Variants in SMURF1 observed in about 807,000 individuals in gnomAD.
The protein encoded by SMURF1 is E3 ubiquitin-protein ligase SMURF1.
In SMURF1, 44 loss-of-function variants were observed where a neutral mutation model predicts 98.0. That is an observed-to-expected ratio of 0.45 (90% CI 0.35 to 0.58). The LOEUF (loss-of-function observed/expected upper bound fraction) is 0.58, where lower values mean the gene tolerates loss of function less well. Ranked by LOEUF, SMURF1 falls within the 20% of genes least tolerant of loss-of-function variation. SMURF1 has a pLI of 0.00. For missense variants in SMURF1, 687 were observed against 938.4 expected, an observed-to-expected ratio of 0.73 and a Z score of 3.50; for synonymous variants, 396 against 374.9, an observed-to-expected ratio of 1.06 and a Z score of -0.65.
At chr7:99,041,508 T>C (rs527256996) in intron 12 of SMURF1, among the ~76,000 whole-genome samples, 1 of 152,336 alleles carries the variant, frequency 6.6e-6, no homozygotes, top group East Asian at 1.9e-4. Context: ...AAAAAATGAA[T>C]CAAAACTCTG....
chr7:99,056,194 C>T (rs141919768), intron 5 of SMURF1, among the ~76,000 whole-genome samples: 4 of 152,088 alleles, frequency 2.6e-5, no homozygotes, highest in African/African-American at 9.7e-5. Flanking sequence ...TGTATGTCTG[C>T]ACTATTCATT....
intron 3 of SMURF1, among the ~76,000 whole-genome samples, chr7:99,059,407 TAAAA>T (rs1465513294): frequency 8.1e-5 from 2 of 24,622 alleles, no homozygotes; most frequent in Non-Finnish European, 1.5e-4. Context: ...CAAAAAAAAA[TAAAA>T]TAAAATAAAA....
intron 14 of SMURF1, among the ~76,000 whole-genome samples, 157 bp from the exon 15 acceptor site, chr7:99,037,344 T>C (rs955949438): frequency 6.6e-6 from 1 of 152,064 alleles, no homozygotes; most frequent in African/African-American, 2.4e-5. Flanking sequence ...TTCAAGCAAT[T>C]CTTCTGCCTC....
At chr7:99,086,568 C>G (rs1406438193) in intron 1 of SMURF1, among the ~76,000 whole-genome samples, 1 of 152,054 alleles carries the variant, frequency 6.6e-6, no homozygotes, top group Admixed American at 6.6e-5. Context: ...ATGTAAAATA[C>G]CAAAGAAAAG....
intron 1 of SMURF1, among the ~76,000 whole-genome samples, chr7:99,133,839 A>G (rs1455648704): frequency 6.6e-6 from 1 of 152,252 alleles, no homozygotes; most frequent in East Asian, 1.9e-4. Context: ...ACTGACGTAC[A>G]ACCACACATA....
intron 1 of SMURF1, among the ~76,000 whole-genome samples, chr7:99,127,609 G>A (rs1462544394): frequency 1.3e-5 from 2 of 152,156 alleles, no homozygotes; most frequent in Non-Finnish European, 2.9e-5. Flanking sequence ...GAGGGGAAAG[G>A]AGGCATATTT....
At chr7:99,060,519 T>C (rs911481673) in intron 3 of SMURF1, 80 bp downstream of exon 3, 8 of 862,736 alleles carry the variant, frequency 9.3e-6, no homozygotes, top group African/African-American at 5.2e-5. Flanking sequence ...TTTTTTTTTT[T>C]TCTCTTGGAT....
intron 1 of SMURF1, among the ~76,000 whole-genome samples, chr7:99,071,123 G>T (rs893017809): frequency 6.7e-6 from 1 of 150,374 alleles, no homozygotes; most frequent in Non-Finnish European, 1.5e-5. Flanking sequence ...GCAGTGGCAC[G>T]ATCTCAGCTC....
intron 1 of SMURF1, among the ~76,000 whole-genome samples, chr7:99,068,785 G>A (rs1040297794): frequency 6.6e-6 from 1 of 152,062 alleles, no homozygotes; most frequent in Non-Finnish European, 1.5e-5. Context: ...GGTATAGCTT[G>A]GATTAGCCCC....
intron 1 of SMURF1, among the ~76,000 whole-genome samples, chr7:99,142,178 C>T (rs987515354): frequency 5.3e-5 from 8 of 152,158 alleles, no homozygotes; most frequent in Admixed American, 3.9e-4. Flanking sequence ...GTTGCGCTCA[C>T]CCTTGAAGGT....
At chr7:99,091,531 G>A (rs1478989899) in intron 1 of SMURF1, among the ~76,000 whole-genome samples, 2 of 152,180 alleles carry the variant, frequency 1.3e-5, no homozygotes, top group African/African-American at 4.8e-5. Flanking sequence ...AAAAGGGAAG[G>A]TGTGGACAGC....
At chr7:99,038,551 A>C (rs1795245085) in intron 13 of SMURF1, 26 bp from the exon 14 acceptor site, 1 of 1,604,810 alleles carries the variant, frequency 6.2e-7, no homozygotes, top group Non-Finnish European at 8.5e-7. Flanking sequence ...AGAAGGATGT[A>C]GGTTAGAACT....
chr7:99,075,286 A>G (rs899782689), intron 1 of SMURF1, among the ~76,000 whole-genome samples: 2 of 152,020 alleles, frequency 1.3e-5, no homozygotes, highest in Non-Finnish European at 2.9e-5. Flanking sequence ...AGCCTGGCTC[A>G]TTTTGTTTAA....
intron 5 of SMURF1, among the ~76,000 whole-genome samples, chr7:99,055,927 C>T (rs1403959052): frequency 6.6e-6 from 1 of 152,106 alleles, no homozygotes; most frequent in Non-Finnish European, 1.5e-5. Context: ...GATCATGCCA[C>T]TGCACTCCAG....
chr7:99,052,932 C>T (rs961183212), intron 6 of SMURF1, among the ~76,000 whole-genome samples: 1 of 152,134 alleles, frequency 6.6e-6, no homozygotes, highest in African/African-American at 2.4e-5. Context: ...GGTGTGGTGG[C>T]ACACGCCTGT....
rs369411450 is a variant in SMURF1, at chr7:99,042,623, T to C, written c.1257-391A>G. 8.5e-5 allele frequency among the ~76,000 whole-genome samples: 13 copies of C among 152,306 alleles called. No homozygotes were observed. In the East Asian group the frequency reaches 2.3e-3, roughly 27 times the overall value. ...TTTAATGTTTGCATCATTTTATTAT[T>C]TTAAAAACCCCAAAGTTAAAAACAG... On this transcript the variant is annotated intron_variant, in intron 11 of 17. Transcript: ENST00000361368.
chr7:99,035,437 C>A, intron 16 of SMURF1, 78 bp downstream of exon 16: 1 of 1,529,368 alleles, frequency 6.5e-7, no homozygotes, highest in Non-Finnish European at 9.0e-7. Flanking sequence ...AGAAAAACAT[C>A]CCAGCCACCT....
At chr7:99,043,533 C>T (rs1353658903) in intron 11 of SMURF1, among the ~76,000 whole-genome samples, 1 of 152,110 alleles carries the variant, frequency 6.6e-6, no homozygotes, top group African/African-American at 2.4e-5. Flanking sequence ...TGGATGACTA[C>T]GGAAAACGCA....
chr7:99,127,444 C>T (rs1215103595), intron 1 of SMURF1, among the ~76,000 whole-genome samples: 1 of 151,996 alleles, frequency 6.6e-6, no homozygotes, highest in Non-Finnish European at 1.5e-5. Context: ...GTAATCCTAG[C>T]AGTTTGGAAG....
Sources: allele counts gnomAD v4.1 joint callset (sites outside exome capture counted in the v4.1 genomes callset), GRCh38; gene constraint gnomAD v4.1.1; transcripts MANE v1.5; gene names NCBI Gene and HGNC (gene_info 2026-07-23, HGNC 2026-07-21).